The following TRA2A variants were observed in gnomAD, a reference collection of about 807,000 sequenced individuals.
TRA2A encodes transformer-2 protein homolog alpha.
A neutral mutation model predicts 45.7 loss-of-function variants in TRA2A; 31 were observed. The ratio of observed to expected loss-of-function variants is 0.68; its 90% CI spans 0.51 to 0.92. The LOEUF is 0.92. TRA2A is among the 40% of genes least tolerant of loss of function. The pLI is 0.00. For missense variants in TRA2A, 304 were observed against 367.5 expected (o/e 0.83, Z 1.41); for synonymous variants, 132 against 126.2 (o/e 1.05, Z -0.31).
intron 1 of TRA2A, among the ~76,000 whole-genome samples, chr7:23,525,221 C>G (rs537575204): frequency 6.6e-6 from 1 of 152,232 alleles, no homozygotes; most frequent in African/African-American, 2.4e-5. Context: ...CCTTTTCTCT[C>G]TGACTCGTCT....
intron 2 of TRA2A, among the ~76,000 whole-genome samples, chr7:23,520,850 G>A (rs1350971339): frequency 2.0e-5 from 3 of 151,752 alleles, no homozygotes; most frequent in Admixed American, 1.3e-4. Context: ...CCGCCACCCC[G>A]CCCAGCTAAT....
intron 1 of TRA2A, among the ~76,000 whole-genome samples, chr7:23,524,203 A>G (rs1196649642): frequency 1.3e-5 from 2 of 152,206 alleles, no homozygotes; most frequent in African/African-American, 4.8e-5. Flanking sequence ...TATTTTAAGA[A>G]GGAGGAGTCT....
intron 1 of TRA2A, among the ~76,000 whole-genome samples, chr7:23,524,085 A>G (rs979618808): frequency 1.3e-5 from 2 of 152,248 alleles, no homozygotes; most frequent in Non-Finnish European, 2.9e-5. Flanking sequence ...TAAAGTAAAC[A>G]AGATAATTCA....
chr7:23,508,672 T>C (rs1350173976), intron 4 of TRA2A, among the ~76,000 whole-genome samples: 1 of 152,118 alleles, frequency 6.6e-6, no homozygotes, highest in Non-Finnish European at 1.5e-5. Context: ...TTTTTTGTAT[T>C]TTTAGTAGAG....
chr7:23,531,820 C>T lies in TRA2A; in HGVS notation c.5G>A (p.Ser2Asn). The T allele has an allele frequency of 6.2e-7, 1 of 1,613,854 alleles. No homozygotes were observed. The highest frequency in any genetic ancestry group is 8.5e-7 in the Non-Finnish European group (1 of 1,180,048). ...CTCGAAGTTGTTTTCCTCCACATCA[C>T]TCATGTCGACGAGGCGCTCCCCAGA... M[S>N]DVEENNFEGR... The change falls in exon 1 of 8, where the codon AGT (serine) becomes AAT (asparagine). Residue 2 changes from serine to asparagine, a missense_variant. Physicochemically the swap from Ser to Asn is conservative, Grantham distance 46. This residue lies in a region of TRA2A where 132 missense variants were observed against 113.4 expected (regional missense o/e 1.16). Coordinates refer to ENST00000297071, the MANE Select transcript of TRA2A (RefSeq NM_013293.5).
intron 1 of TRA2A, among the ~76,000 whole-genome samples, chr7:23,524,969 T>C (rs1013492296): frequency 2.0e-5 from 3 of 152,104 alleles, no homozygotes; most frequent in African/African-American, 7.2e-5. Flanking sequence ...GGATTACAGG[T>C]GTGAGCCACC....
chr7:23,527,124 C>A (rs910750848), intron 1 of TRA2A, among the ~76,000 whole-genome samples: 1 of 152,098 alleles, frequency 6.6e-6, no homozygotes, highest in African/African-American at 2.4e-5. Context: ...ACATTATGTT[C>A]TAATCTTCTG....
intron 3 of TRA2A, among the ~76,000 whole-genome samples, chr7:23,515,690 C>T (rs891437311): frequency 6.6e-6 from 1 of 151,838 alleles, no homozygotes; most frequent in East Asian, 2.0e-4. Flanking sequence ...AGATTACAGG[C>T]GTAAGCCACC....
At position 23,515,384 on chromosome 7, in the gene TRA2A, C is replaced by T. The variant is rs1045589004; in HGVS notation, c.336+979G>A. ...AGCTGGGACTACAGGCGTCTGCAACCGTGCCCAGCTAATTTTTTGTATTTT... is the reference window on the plus strand; with the variant it reads ...AGCTGGGACTACAGGCGTCTGCAACTGTGCCCAGCTAATTTTTTGTATTTT... On this transcript the variant is annotated intron_variant, in intron 3 of 7. Coordinates refer to ENST00000297071, the MANE Select transcript of TRA2A (RefSeq NM_013293.5). Among the ~76,000 whole-genome samples the T allele has an allele frequency of 2.5e-4, 38 of 151,740 alleles. 1 individual carries two copies. The highest frequency in any genetic ancestry group is 8.2e-4 in the African/African-American group (34 of 41,366).
In TRA2A at chr7:23,521,802, A is replaced by T; in HGVS notation, c.75T>A (p.Pro25=). Residue 25 remains proline, a synonymous_variant, in exon 2 of 8, where the codon CCT becomes CCA. Coordinates refer to ENST00000297071, the MANE Select transcript of TRA2A (RefSeq NM_013293.5). ...RSQSKSPTGT[P]ARVKSESRSG... Reference sequence around the variant, plus strand: ...ACCTGCTCTCCGATTTTACACGAGCAGGAGTTCCCGTTGGAGATTTTGACT... The same window carrying T: ...ACCTGCTCTCCGATTTTACACGAGCTGGAGTTCCCGTTGGAGATTTTGACT... 1 of 1,614,200 alleles carries T rather than the reference A, an allele frequency of 6.2e-7. No individual in the cohort carries two copies.
chr7:23,519,474 T>C (rs1471200095), intron 2 of TRA2A, among the ~76,000 whole-genome samples: 1 of 152,058 alleles, frequency 6.6e-6, no homozygotes, highest in Non-Finnish European at 1.5e-5. Context: ...CGGTACTCAA[T>C]GAACCCAGGA....
rs150041008 is a variant in TRA2A at position 23,525,643 on chromosome 7, C to A, written c.37-3803G>T. Among the ~76,000 whole-genome samples the A allele has an allele frequency of 3.8e-3, 579 of 152,336 alleles. 15 individuals are homozygous for A. Among genetic ancestry groups the A allele is most frequent in the Non-Finnish European group, 1.6e-3 (112 of 68,034 alleles). On this transcript the variant is annotated intron_variant, in intron 1 of 7. Coordinates refer to ENST00000297071, the MANE Select transcript of TRA2A (RefSeq NM_013293.5). ...TTGTTTGGTTTTTCTGTCACCCAGG[C>A]TGGAGTGCAGTGGCACAATCTTCTC... is the stretch of plus-strand genomic sequence containing the variant.
intron 6 of TRA2A, 48 bp downstream of exon 6, chr7:23,506,090 C>T: frequency 6.7e-7 from 1 of 1,497,044 alleles, no homozygotes; most frequent in Non-Finnish European, 9.2e-7. Flanking sequence ...TGCCAAGTAA[C>T]ACTACTATCA....
rs745467276 is a variant in TRA2A, at chr7:23,531,752, G to A, written c.36+37C>T. ...GTTCCCGTGAAACCCCGAGCATTGG[G>A]CCGCCGCCTAGACGGCTCCCGCGGC... On this transcript the variant is annotated intron_variant, in intron 1 of 7. Transcript: ENST00000297071. 1.9e-6 allele frequency: 3 copies of A among 1,611,318 alleles called. No homozygotes were observed. In the Admixed American group the frequency reaches 5.0e-5, roughly 27 times the overall value.
rs1213745665 is a variant in TRA2A at position 23,531,968 on chromosome 7, G to C, written c.-144C>G. The C allele has an allele frequency of 1.2e-6, 1 of 862,542 alleles. No individual in the cohort carries two copies. The highest frequency in any genetic ancestry group is 1.8e-6 in the Non-Finnish European group (1 of 557,310). The allele number at this position is 862,542 out of a possible 1,614,324, so 53.4% of individuals were successfully genotyped here. The stretch of plus-strand genomic sequence containing the variant: ...TCCACTCCACTCCCACTCGGTCGCA[G>C]GCTCCAGCAAAATGGCGCCGGCGCC... On this transcript the variant is annotated 5_prime_UTR_variant, in exon 1 of 8. Transcript: ENST00000297071.
chr7:23,506,443 A>G, intron 5 of TRA2A, 177 bp from the exon 6 acceptor site: 1 of 646,602 alleles, frequency 1.5e-6, no homozygotes, highest in African/African-American at 1.8e-5. Context: ...CTTATTCCCT[A>G]CATACATAAT....
chr7:23,507,177 T>A, intron 5 of TRA2A: 1 of 490,494 alleles, frequency 2.0e-6, no homozygotes, highest in Non-Finnish European at 3.6e-6. Context: ...CCAGGCTCAC[T>A]GCAACCTCTG....
chr7:23,518,781 T>A (rs1475892734), intron 2 of TRA2A, among the ~76,000 whole-genome samples: 2 of 151,394 alleles, frequency 1.3e-5, no homozygotes, highest in South Asian at 2.1e-4. Context: ...ACTTCCTGGG[T>A]TCAAGCGATT....
At chr7:23,521,647 A>G in intron 2 of TRA2A, 60 bp downstream of exon 2, 1 of 1,583,394 alleles carries the variant, frequency 6.3e-7, no homozygotes, top group Non-Finnish European at 8.6e-7. Context: ...GCAGCCAACA[A>G]CTGCTTTGTC....
Sources: allele counts gnomAD v4.1 joint callset (sites outside exome capture counted in the v4.1 genomes callset), GRCh38; gene constraint gnomAD v4.1.1; regional missense constraint gnomAD v4.1.1; transcripts MANE v1.5; gene names NCBI Gene and HGNC (gene_info 2026-07-23, HGNC 2026-07-21).